EXOC4: variants seen among roughly 807,000 people sequenced by gnomAD.
EXOC4 encodes SEC8-like 1.
Under a neutral mutation model 107.2 loss-of-function variants are expected in EXOC4, and 71 were observed. That is an observed-to-expected ratio of 0.66 (90% CI 0.55 to 0.81). The LOEUF (loss-of-function observed/expected upper bound fraction) is 0.81. Among genes scored for constraint, EXOC4 ranks in the 30% least tolerant of loss-of-function variants. The pLI is 0.00. For missense variants in EXOC4, 1,108 were observed against 1,189.6 expected, an observed-to-expected ratio of 0.93 and a Z score of 1.01; for synonymous variants, 456 against 441.2, an observed-to-expected ratio of 1.03 and a Z score of -0.42.
intron 7 of EXOC4, among the ~76,000 whole-genome samples, chr7:133,446,426 G>C (rs958797218): frequency 3.3e-5 from 5 of 152,042 alleles, no homozygotes; most frequent in Non-Finnish European, 7.4e-5. Flanking sequence ...TTTAACGCAG[G>C]GCTGTCTGTA....
chr7:133,471,305 G>C (rs368742149), intron 7 of EXOC4, among the ~76,000 whole-genome samples: 3 of 151,824 alleles, frequency 2.0e-5, no homozygotes, highest in Admixed American at 1.3e-4. Context: ...CCTGCTACTC[G>C]GGAGGCTGAG....
chr7:133,652,839 G>A lies in EXOC4; in HGVS notation c.1514+22698G>A, dbSNP rs572679683. ...ATAGAGAAATGAAAATAGCTTTAAT[G>A]CTTTTGTGGCAATATCCTAAAAGTT... On this transcript the variant is annotated intron_variant, in intron 10 of 17. Transcript: ENST00000253861. Among the ~76,000 whole-genome samples, 5 of 152,298 alleles carry A rather than the reference G, an allele frequency of 3.3e-5. No individual in the cohort carries two copies. The South Asian group carries it at 1.0e-3, about 32-fold the overall frequency.
the EXOC4 span, among the ~76,000 whole-genome samples, chr7:134,084,615 C>G: frequency 0.011 from 1 of 88 alleles, no homozygotes; most frequent in African/African-American, 0.038. Flanking sequence ...GCCTTTCTAC[C>G]TTGCAAGGCC....
chr7:134,071,156 A>C (rs1796268707), downstream of EXOC4, among the ~76,000 whole-genome samples: 1 of 152,160 alleles, frequency 6.6e-6, no homozygotes, highest in African/African-American at 2.4e-5. Flanking sequence ...TCCTCACAAT[A>C]ATCCTACAAG....
chr7:133,309,481 C>T (rs1794822853), intron 4 of EXOC4, among the ~76,000 whole-genome samples: 1 of 152,040 alleles, frequency 6.6e-6, no homozygotes, highest in African/African-American at 2.4e-5. Flanking sequence ...GCAAAATTCT[C>T]AGAGATAAAC....
At chr7:133,693,531 C>T (rs901763354) in intron 10 of EXOC4, among the ~76,000 whole-genome samples, 5 of 152,294 alleles carry the variant, frequency 3.3e-5, no homozygotes, top group East Asian at 1.9e-4. Flanking sequence ...CAATCCAATC[C>T]GGTTGACACC....
intron 8 of EXOC4, among the ~76,000 whole-genome samples, chr7:133,476,454 A>G (rs1799014757): frequency 6.6e-6 from 1 of 152,176 alleles, no homozygotes; most frequent in South Asian, 2.1e-4. Flanking sequence ...AGTGACCACC[A>G]CTGAAGTATC....
rs547612497 is a variant in EXOC4, at chr7:133,257,388, GCA to G, written c.86+4210_86+4211del. ...CACGCACACACACACACACACACGTGCACACACACAATTTTTCTACTTTTCTG... is the reference window on the plus strand; with the variant it reads ...CACGCACACACACACACACACACGTGCACACACAATTTTTCTACTTTTCTG... On this transcript the variant is annotated intron_variant, in intron 1 of 17. Coordinates refer to ENST00000253861, the MANE Select transcript of EXOC4 (RefSeq NM_021807.4). Among the ~76,000 whole-genome samples the G allele has an allele frequency of 1.1e-4, 16 of 151,522 alleles. No homozygotes were observed. The South Asian group carries it at 3.3e-3, about 32-fold the overall frequency.
intron 7 of EXOC4, among the ~76,000 whole-genome samples, chr7:133,403,492 A>G (rs966462444): frequency 6.6e-6 from 1 of 151,750 alleles, no homozygotes; most frequent in Non-Finnish European, 1.5e-5. Context: ...AATTTAGCCC[A>G]TTATAGTGAT....
At chr7:133,397,312 T>G (rs1796992785) in intron 7 of EXOC4, among the ~76,000 whole-genome samples, 1 of 151,330 alleles carries the variant, frequency 6.6e-6, no homozygotes, top group Non-Finnish European at 1.5e-5. Flanking sequence ...TTTTGTATTT[T>G]TAGTAGAGAA....
At chr7:133,847,089 A>T (rs1414689604) in intron 11 of EXOC4, among the ~76,000 whole-genome samples, 1 of 152,222 alleles carries the variant, frequency 6.6e-6, no homozygotes, top group Non-Finnish European at 1.5e-5. Flanking sequence ...TGTTTGCTAC[A>T]TAATGATTAA....
At chr7:133,901,927 T>G (rs779972302) in intron 12 of EXOC4, among the ~76,000 whole-genome samples, 5 of 152,136 alleles carry the variant, frequency 3.3e-5, no homozygotes, top group Non-Finnish European at 7.3e-5. Context: ...GAAGCATTCC[T>G]TAAGAACTCT....
At chr7:134,058,851 A>G (rs1795989643) in intron 17 of EXOC4, among the ~76,000 whole-genome samples, 1 of 152,222 alleles carries the variant, frequency 6.6e-6, no homozygotes, top group Non-Finnish European at 1.5e-5. Context: ...GAGGCCTTAG[A>G]CAAATCACTA....
intron 10 of EXOC4, among the ~76,000 whole-genome samples, chr7:133,633,244 C>T (rs537725176): frequency 6.2e-4 from 94 of 152,270 alleles, no homozygotes; most frequent in African/African-American, 2.2e-3. Context: ...TCTCTCAAAA[C>T]TGGTTTGACA....
chr7:133,925,248 T>C (rs1800025999), intron 13 of EXOC4, among the ~76,000 whole-genome samples: 1 of 152,220 alleles, frequency 6.6e-6, no homozygotes, highest in Non-Finnish European at 1.5e-5. Flanking sequence ...TTCTTGTTTT[T>C]TAACTAAAAA....
At chr7:133,430,126 G>A (rs1203493390) in intron 7 of EXOC4, among the ~76,000 whole-genome samples, 1 of 152,212 alleles carries the variant, frequency 6.6e-6, no homozygotes, top group African/African-American at 2.4e-5. Flanking sequence ...TTGAGTGATG[G>A]AAGTGGCTGT....
intron 7 of EXOC4, among the ~76,000 whole-genome samples, chr7:133,466,151 G>T (rs62469961): frequency 0.14 from 21,900 of 151,356 alleles, 1,970 homozygotes; most frequent in Non-Finnish European, 0.2. Flanking sequence ...AAAAAAAATG[G>T]AGAAAACTCA....
chr7:134,015,605 G>C (rs914636224), intron 17 of EXOC4, among the ~76,000 whole-genome samples: 2 of 152,070 alleles, frequency 1.3e-5, no homozygotes, highest in African/African-American at 2.4e-5. Flanking sequence ...GGCTAGGCAC[G>C]GTGGCTCACA....
intron 17 of EXOC4, among the ~76,000 whole-genome samples, chr7:134,016,565 A>G (rs1794913421): frequency 6.6e-6 from 1 of 152,216 alleles, no homozygotes; most frequent in African/African-American, 2.4e-5. Flanking sequence ...TCTTTTAATT[A>G]AACTGTCCAG....
Sources: gnomAD v4.1 joint callset for allele counts (sites outside exome capture counted in the v4.1 genomes callset) on GRCh38, gnomAD v4.1.1 for gene constraint, MANE v1.5 for transcripts, NCBI Gene and HGNC (gene_info 2026-07-23, HGNC 2026-07-21) for gene names.